The following SLC39A11 variants were observed in gnomAD, a reference collection of about 807,000 sequenced individuals.
The protein encoded by SLC39A11 is solute carrier family 39 member 11.
In SLC39A11, 33 loss-of-function variants were observed where a neutral mutation model predicts 36.1. The observed-to-expected ratio is 0.91, with a 90% CI of 0.69 to 1.22. The LOEUF (loss-of-function observed/expected upper bound fraction) is 1.22, where lower values mean the gene tolerates loss of function less well. Ranked by LOEUF, SLC39A11 falls within the 50% of genes most tolerant of loss-of-function variation. SLC39A11 has a pLI of 0.00. For missense variants in SLC39A11, 432 were observed against 430.3 expected, an observed-to-expected ratio of 1.00 and a Z score of -0.03; for synonymous variants, 166 against 170.3, an observed-to-expected ratio of 0.97 and a Z score of 0.20.
intron 5 of SLC39A11, among the ~76,000 whole-genome samples, chr17:72,938,661 C>G (rs780588144): frequency 6.6e-6 from 1 of 152,186 alleles, no homozygotes; most frequent in Non-Finnish European, 1.5e-5. Context: ...GGCACAGACT[C>G]TTAAATCTTC....
intron 3 of SLC39A11, among the ~76,000 whole-genome samples, chr17:73,067,333 T>C (rs376820449): frequency 2.6e-5 from 4 of 152,202 alleles, no homozygotes; most frequent in African/African-American, 9.6e-5. Flanking sequence ...TCTACCTCCC[T>C]CCTGCCACTT....
Position 72,649,223 on chromosome 17 carries a change from C to T in SLC39A11, c.717G>A (p.Leu239=), listed in dbSNP as rs746401362. 1.2e-6 allele frequency: 2 copies of T among 1,614,240 alleles called. No homozygotes were observed. The highest frequency in any genetic ancestry group is 1.7e-6 in the Non-Finnish European group (2 of 1,180,044). ...GIGIQNFPEG[L]AVSLPLRGAG... ...CCCCTCGCAAGGGAAGGCTGACAGC[C>T]AGGCCCTCGGGGAAATTCTGGATCC... The change falls in exon 8 of 10, where the codon CTG becomes CTA. Residue 239 remains leucine, a synonymous_variant. Coordinates refer to ENST00000255559, the MANE Select transcript of SLC39A11 (RefSeq NM_139177.4).
intron 4 of SLC39A11, among the ~76,000 whole-genome samples, chr17:72,991,143 G>C (rs780529304): frequency 2.0e-5 from 3 of 152,122 alleles, no homozygotes; most frequent in Non-Finnish European, 4.4e-5. Flanking sequence ...AAGAATTGCA[G>C]CTCTTCTCTC....
At chr17:72,871,056 G>GTTTTTTTTTTTTTTTTTGTTTTTTTTTT (rs34776144) in intron 5 of SLC39A11, among the ~76,000 whole-genome samples, 2 of 124,316 alleles carry the variant, frequency 1.6e-5, no homozygotes, top group Admixed American at 8.0e-5. Flanking sequence ...TTTTGTTTTT[G>GTTTTTTTTTTTTTTTTTGTTTTTTTTTT]TTTTTTTTTT....
chr17:72,856,871 G>C (rs765301107), intron 5 of SLC39A11, among the ~76,000 whole-genome samples: 5 of 152,008 alleles, frequency 3.3e-5, no homozygotes, highest in Non-Finnish European at 7.4e-5. Flanking sequence ...AGTAGAGATG[G>C]GGTTTCACCA....
At chr17:72,947,431 T>C in intron 5 of SLC39A11, 1 of 355,288 alleles carries the variant, frequency 2.8e-6, no homozygotes, top group Non-Finnish European at 5.2e-6. Flanking sequence ...GAGGGACAAA[T>C]GCTGGTACTC....
intron 6 of SLC39A11, among the ~76,000 whole-genome samples, chr17:72,740,760 C>A (rs755732993): frequency 2.0e-5 from 3 of 152,186 alleles, no homozygotes; most frequent in Middle Eastern, 3.4e-3. Context: ...TGTCACAAGG[C>A]CTTTTTTTAT....
chr17:72,824,441 G>A (rs1252741453), intron 6 of SLC39A11, among the ~76,000 whole-genome samples: 2 of 151,164 alleles, frequency 1.3e-5, no homozygotes, highest in East Asian at 1.9e-4. Context: ...ATAGCAATGC[G>A]AGAATGGACT....
At chr17:73,035,584 T>A (rs560680656) in intron 3 of SLC39A11, among the ~76,000 whole-genome samples, 1 of 152,138 alleles carries the variant, frequency 6.6e-6, no homozygotes, top group Admixed American at 6.6e-5. Flanking sequence ...TGATACTGGC[T>A]TATTTGAGTG....
At chr17:73,032,646 C>T (rs1042887582) in intron 3 of SLC39A11, among the ~76,000 whole-genome samples, 5 of 152,178 alleles carry the variant, frequency 3.3e-5, no homozygotes, top group East Asian at 1.9e-4. Flanking sequence ...TCCACTTTTA[C>T]CTTTTAGCTG....
chr17:72,700,948 A>C (rs569235152), intron 7 of SLC39A11, among the ~76,000 whole-genome samples: 3 of 152,236 alleles, frequency 2.0e-5, no homozygotes, highest in Non-Finnish European at 2.9e-5. Context: ...TAGGGGAGCT[A>C]CAATTCAAGA....
At chr17:72,665,783 CTTTT>C (rs1234026828) in intron 7 of SLC39A11, among the ~76,000 whole-genome samples, 1 of 152,078 alleles carries the variant, frequency 6.6e-6, no homozygotes, top group Non-Finnish European at 1.5e-5. Flanking sequence ...CTTTCTCTTT[CTTTT>C]TCTTTCTTTC....
chr17:72,833,733 G>C (rs997868149), intron 6 of SLC39A11, among the ~76,000 whole-genome samples: 2 of 152,148 alleles, frequency 1.3e-5, no homozygotes, highest in Non-Finnish European at 2.9e-5. Flanking sequence ...AGGACAAGAT[G>C]ATGAGCTACT....
intron 5 of SLC39A11, among the ~76,000 whole-genome samples, chr17:72,889,189 G>A (rs904446286): frequency 1.3e-5 from 2 of 152,124 alleles, no homozygotes; most frequent in Non-Finnish European, 1.5e-5. Flanking sequence ...AGTTACAGAT[G>A]TGTATTTAAA....
chr17:72,732,296 G>A (rs2074265699), intron 7 of SLC39A11, among the ~76,000 whole-genome samples: 2 of 152,028 alleles, frequency 1.3e-5, no homozygotes, highest in Admixed American at 6.6e-5. Context: ...TTATAGGCGT[G>A]AGCCACGGCA....
intron 4 of SLC39A11, among the ~76,000 whole-genome samples, chr17:73,015,311 T>C (rs2090747985): frequency 6.6e-6 from 1 of 152,208 alleles, no homozygotes; most frequent in African/African-American, 2.4e-5. Context: ...AGTTAGTCCC[T>C]GGGCCTTTGG....
intron 6 of SLC39A11, among the ~76,000 whole-genome samples, chr17:72,767,596 G>C (rs1017228562): frequency 2.0e-5 from 3 of 152,232 alleles, no homozygotes; most frequent in African/African-American, 7.2e-5. Context: ...CCTTCCATGA[G>C]TTGGTCAGCA....
intron 7 of SLC39A11, among the ~76,000 whole-genome samples, chr17:72,718,866 G>T (rs967797079): frequency 1.3e-5 from 2 of 152,142 alleles, no homozygotes; most frequent in Non-Finnish European, 2.9e-5. Flanking sequence ...CTGGCCTCAA[G>T]TGATCCTCCT....
intron 5 of SLC39A11, among the ~76,000 whole-genome samples, chr17:72,936,206 G>A (rs1297759920): frequency 6.6e-6 from 1 of 151,642 alleles, no homozygotes; most frequent in Non-Finnish European, 1.5e-5. Flanking sequence ...TCCAAAACAA[G>A]CAAACAAAAA....
Sources: gnomAD v4.1 joint callset for allele counts (sites outside exome capture counted in the v4.1 genomes callset) on GRCh38, gnomAD v4.1.1 for gene constraint, MANE v1.5 for transcripts, NCBI Gene and HGNC (gene_info 2026-07-23, HGNC 2026-07-21) for gene names.